RAB2A: variants seen among roughly 807,000 people sequenced by gnomAD.
The protein encoded by RAB2A is RAB2A, member RAS oncogene family, also known as ras-related protein Rab-2A.
A neutral mutation model predicts 32.5 loss-of-function variants in RAB2A; 7 were observed. The ratio of observed to expected loss-of-function variants is 0.22; its 90% CI spans 0.12 to 0.40. The LOEUF is 0.40. RAB2A is among the 10% of genes least tolerant of loss of function. The probability of loss-of-function intolerance (pLI) is 1.00; values close to 1 mark genes in which losing one functional copy is unlikely to be tolerated. For synonymous variants in RAB2A, 79 were observed against 85.2 expected, an observed-to-expected ratio of 0.93 and a Z score of 0.40; for missense variants, 108 against 260.7, an observed-to-expected ratio of 0.41 and a Z score of 4.03.
chr8:60,567,025 TCCTAATA>T (rs1372486788), intron 2 of RAB2A, among the ~76,000 whole-genome samples: 1 of 152,182 alleles, frequency 6.6e-6, no homozygotes, highest in Non-Finnish European at 1.5e-5. Flanking sequence ...TTCATTCTTG[TCCTAATA>T]CCTTTGTAAT....
chr8:60,558,991 G>A, intron 2 of RAB2A, 68 bp downstream of exon 2: 1 of 1,157,652 alleles, frequency 8.6e-7, no homozygotes, highest in Admixed American at 1.8e-5. Context: ...ATGCTAGAAG[G>A]TCCATTCTAC....
At position 60,537,895 on chromosome 8, in the gene RAB2A, G is replaced by T. The variant is rs375524366; in HGVS notation, c.46+20642G>T. ...GGATCTCACTAGGTGGCCCCAACTG[G>T]TGTCAAACTCCTGGCCTCAAGCAGT... is the stretch of plus-strand genomic sequence containing the variant. On this transcript the variant is annotated intron_variant, in intron 1 of 7. Coordinates refer to ENST00000262646, the MANE Select transcript of RAB2A (RefSeq NM_002865.3). Among the ~76,000 whole-genome samples the T allele has an allele frequency of 1.3e-5, 2 of 152,030 alleles. 1 individual carries two copies. Among genetic ancestry groups the T allele is most frequent in the Admixed American group, 1.3e-4 (2 of 15,258 alleles).
chr8:60,606,765 C>CT (rs1305781354), intron 6 of RAB2A, among the ~76,000 whole-genome samples: 1 of 152,188 alleles, frequency 6.6e-6, no homozygotes, highest in Non-Finnish European at 1.5e-5. Context: ...ATACCTGGGC[C>CT]TTTTTGAGCT....
chr8:60,531,483 G>C (rs1438019219), intron 1 of RAB2A, among the ~76,000 whole-genome samples: 1 of 152,178 alleles, frequency 6.6e-6, no homozygotes, highest in African/African-American at 2.4e-5. Context: ...GTGAAGGTAA[G>C]GTGCCTTGTA....
At chr8:60,551,075 G>A (rs902620276) in intron 1 of RAB2A, among the ~76,000 whole-genome samples, 2 of 152,052 alleles carry the variant, frequency 1.3e-5, no homozygotes, top group African/African-American at 2.4e-5. Flanking sequence ...TCTCCATGAG[G>A]GACTACCTGG....
At chr8:60,601,273 A>G (rs1804130521) in intron 6 of RAB2A, among the ~76,000 whole-genome samples, 1 of 151,628 alleles carries the variant, frequency 6.6e-6, no homozygotes, top group South Asian at 2.1e-4. Flanking sequence ...TTCCCTCCAT[A>G]TATGTTTAGC....
intron 3 of RAB2A, among the ~76,000 whole-genome samples, chr8:60,580,902 C>T (rs866518312): frequency 6.6e-6 from 1 of 152,122 alleles, no homozygotes; most frequent in Non-Finnish European, 1.5e-5. Context: ...CACAGAATGT[C>T]CCTGGAGAGA....
intron 1 of RAB2A, among the ~76,000 whole-genome samples, chr8:60,526,727 T>C (rs1361100628): frequency 6.6e-6 from 1 of 152,126 alleles, no homozygotes; most frequent in Non-Finnish European, 1.5e-5. Context: ...CCTAGCACTT[T>C]GGAGGCTGAG....
chr8:60,563,027 G>A (rs1300622173), intron 2 of RAB2A, among the ~76,000 whole-genome samples: 3 of 150,488 alleles, frequency 2.0e-5, no homozygotes, highest in Admixed American at 2.0e-4. Context: ...AAAAAAAATA[G>A]CAGATTATTA....
chr8:60,559,606 T>C (rs887196936), intron 2 of RAB2A, among the ~76,000 whole-genome samples: 7 of 152,234 alleles, frequency 4.6e-5, no homozygotes, highest in African/African-American at 1.7e-4. Context: ...CTAAAAACTT[T>C]AGGTAATCTT....
In RAB2A at chr8:60,621,032, C is replaced by G. The variant is rs183524386; in HGVS notation, c.*263C>G. 11 of 371,026 alleles carry G rather than the reference C, an allele frequency of 3.0e-5. No individual in the cohort carries two copies. In the Admixed American group the frequency reaches 4.0e-4, roughly 13 times the overall value. 23.0% of individuals were successfully genotyped at this position (371,026 alleles called of 1,614,324 possible). Reference sequence around the variant, plus strand: ...TTTTTGTTAAATGTTGTCTTGTGCCCTTAACTACGAACTGAATTGTATTAA... The same window carrying G: ...TTTTTGTTAAATGTTGTCTTGTGCCGTTAACTACGAACTGAATTGTATTAA... On this transcript the variant is annotated 3_prime_UTR_variant, in exon 8 of 8. Coordinates refer to ENST00000262646, the MANE Select transcript of RAB2A (RefSeq NM_002865.3).
At chr8:60,616,377 C>G (rs7827147) in intron 6 of RAB2A, among the ~76,000 whole-genome samples, 1,849 of 152,286 alleles carry the variant, frequency 0.012, 38 homozygotes, top group African/African-American at 0.042. Context: ...CCTTGTAGTT[C>G]TATGTAACAT....
intron 2 of RAB2A, among the ~76,000 whole-genome samples, chr8:60,564,023 T>G (rs1229323368): frequency 1.3e-5 from 2 of 152,218 alleles, no homozygotes; most frequent in Non-Finnish European, 2.9e-5. Context: ...TAGTCTCATT[T>G]TAATTTCTTG....
intron 6 of RAB2A, among the ~76,000 whole-genome samples, chr8:60,593,001 G>A (rs1358403997): frequency 6.6e-6 from 1 of 152,200 alleles, no homozygotes; most frequent in Non-Finnish European, 1.5e-5. Context: ...GCTAGCATGT[G>A]CCTTCAATGT....
At chr8:60,611,968 A>T (rs1804355961) in intron 6 of RAB2A, among the ~76,000 whole-genome samples, 1 of 152,186 alleles carries the variant, frequency 6.6e-6, no homozygotes. Flanking sequence ...CCTAAAATAA[A>T]CAACTATTTT....
chr8:60,611,253 A>T (rs934847909), intron 6 of RAB2A, among the ~76,000 whole-genome samples: 7 of 151,790 alleles, frequency 4.6e-5, no homozygotes, highest in Non-Finnish European at 7.4e-5. Context: ...CCTGCTTCCT[A>T]CCTTTTCAGG....
intron 6 of RAB2A, among the ~76,000 whole-genome samples, chr8:60,616,738 T>G (rs1247563459): frequency 6.6e-6 from 1 of 152,258 alleles, no homozygotes; most frequent in African/African-American, 2.4e-5. Context: ...GATCAGCCAC[T>G]TAGAGTTTAT....
chr8:60,611,468 C>T lies in RAB2A; in HGVS notation c.475-7112C>T, dbSNP rs16926311. Among the ~76,000 whole-genome samples, 113 of 152,282 alleles carry T rather than the reference C, an allele frequency of 7.4e-4. No homozygotes were observed. The East Asian group carries it at 0.017, about 22-fold the overall frequency. ...TCTCTCTCAGAAGTGGTCATGCTAC[C>T]TTATTCATCTAAGCAACTGAAGGTT... On this transcript the variant is annotated intron_variant, in intron 6 of 7. Coordinates refer to ENST00000262646, the MANE Select transcript of RAB2A (RefSeq NM_002865.3).
chr8:60,623,355 TCA>T lies in RAB2A; in HGVS notation c.*2588_*2589del. On this transcript the variant is annotated 3_prime_UTR_variant, in exon 8 of 8. Coordinates refer to ENST00000262646, the MANE Select transcript of RAB2A (RefSeq NM_002865.3). ...ATAAATCGTACCAAAATGTTTCCAA[TCA>T]CTCAGAAAAACTGATTCATGTCTGG... 1 of 152,228 alleles carries T rather than the reference TCA, an allele frequency of 6.6e-6. No individual in the cohort carries two copies. 9.4% of individuals were successfully genotyped at this position (152,228 alleles called of 1,614,324 possible).
Sources: allele counts gnomAD v4.1 joint callset (sites outside exome capture counted in the v4.1 genomes callset), GRCh38; gene constraint gnomAD v4.1.1; transcripts MANE v1.5; gene names NCBI Gene and HGNC (gene_info 2026-07-23, HGNC 2026-07-21).